Variants in COL23A1 observed in about 807,000 individuals in gnomAD.
The protein encoded by COL23A1 is collagen type XXIII alpha 1 chain.
A neutral mutation model predicts 99.3 loss-of-function variants in COL23A1; 97 were observed. The observed-to-expected ratio is 0.98, with a 90% confidence interval of 0.83 to 1.16. The LOEUF (loss-of-function observed/expected upper bound fraction) is 1.16, where lower values mean the gene tolerates loss of function less well. COL23A1 is among the 50% of genes most tolerant of loss of function. The pLI is 0.00. For missense variants in COL23A1, 762 were observed against 757.4 expected, an observed-to-expected ratio of 1.01 and a Z score of -0.07; for synonymous variants, 320 against 308.2, an observed-to-expected ratio of 1.04 and a Z score of -0.40.
chr5:178,474,760 G>T lies in COL23A1; in HGVS notation c.361+85922C>A, dbSNP rs1756939701. Among the ~76,000 whole-genome samples, 4 of 152,344 alleles carry T rather than the reference G, an allele frequency of 2.6e-5. No individual in the cohort carries two copies. The Middle Eastern group carries it at 0.01, about 389-fold the overall frequency. On this transcript the variant is annotated intron_variant, in intron 2 of 28. Coordinates refer to ENST00000390654, the MANE Select transcript of COL23A1 (RefSeq NM_173465.4). ...AAAATCAATTGCTCCCAAGAAGCTT[G>T]CATTCCAGCAGGGAACACAGATTAT...
At chr5:178,271,141 C>A (rs1030527941) in intron 5 of COL23A1, among the ~76,000 whole-genome samples, 1 of 152,180 alleles carries the variant, frequency 6.6e-6, no homozygotes, top group East Asian at 1.9e-4. Flanking sequence ...CCGTGCCAGA[C>A]ACCCCTTCCC....
intron 2 of COL23A1, among the ~76,000 whole-genome samples, chr5:178,355,908 T>G (rs1761623140): frequency 6.6e-6 from 1 of 152,240 alleles, no homozygotes; most frequent in Admixed American, 6.5e-5. Context: ...CACCAACTTG[T>G]GCAGTGATTA....
rs1048055809 is a variant in COL23A1, at chr5:178,544,327, C to T, written c.361+16355G>A. On this transcript the variant is annotated intron_variant, in intron 2 of 28. Transcript: ENST00000390654. This position sits in a 1 kb window ranked among gnomAD's most constrained non-coding sequence, Gnocchi z 4.4. The stretch of plus-strand genomic sequence containing the variant: ...CCAGCCCCTGCTGGAGCTCCTGGAT[C>T]CCAAGGCGGGGAAGGCAAGTCGGCG... Among the ~76,000 whole-genome samples the T allele has an allele frequency of 6.6e-6, 1 of 152,198 alleles. No individual in the cohort carries two copies. Among genetic ancestry groups the T allele is most frequent in the African/African-American group, 2.4e-5 (1 of 41,450 alleles).
chr5:178,420,003 G>C (rs1765517431), intron 2 of COL23A1, among the ~76,000 whole-genome samples: 1 of 152,162 alleles, frequency 6.6e-6, no homozygotes, highest in South Asian at 2.1e-4. Flanking sequence ...TGATTCTGGA[G>C]GCTGCTGGAT....
intron 2 of COL23A1, among the ~76,000 whole-genome samples, chr5:178,423,576 T>C (rs1165911957): frequency 1.3e-5 from 2 of 152,100 alleles, no homozygotes; most frequent in Non-Finnish European, 2.9e-5. Context: ...CCACCTCGGA[T>C]GGGTGGATGG....
At chr5:178,347,178 G>A (rs1401398669) in intron 2 of COL23A1, among the ~76,000 whole-genome samples, 3 of 152,198 alleles carry the variant, frequency 2.0e-5, no homozygotes, top group Admixed American at 2.0e-4. Flanking sequence ...CGTCCGCTGA[G>A]CCACCCACAC....
At position 178,500,208 on chromosome 5, in the gene COL23A1, G is replaced by C. The variant is rs527677296; in HGVS notation, c.361+60474C>G. Among the ~76,000 whole-genome samples the C allele has an allele frequency of 5.3e-5, 8 of 152,186 alleles. 1 individual carries two copies. In the South Asian group the frequency reaches 1.7e-3, roughly 32 times the overall value. On this transcript the variant is annotated intron_variant, in intron 2 of 28. Coordinates refer to ENST00000390654, the MANE Select transcript of COL23A1 (RefSeq NM_173465.4). ...CTTTACTGTAGTGATGGTTTCATGA[G>C]TGTATGTATACATATATGTCAAACT...
At position 178,535,954 on chromosome 5, in the gene COL23A1, C is replaced by T. The variant is rs1429885713; in HGVS notation, c.361+24728G>A. Among the ~76,000 whole-genome samples, 5 of 152,246 alleles carry T rather than the reference C, an allele frequency of 3.3e-5. 1 individual carries two copies. Among genetic ancestry groups the T allele is most frequent in the Admixed American group, 2.6e-4 (4 of 15,290 alleles). On this transcript the variant is annotated intron_variant, in intron 2 of 28. Coordinates refer to ENST00000390654, the MANE Select transcript of COL23A1 (RefSeq NM_173465.4). ...CATTGTCTGTTCTGACCCCTGGATT[C>T]CCAGGACCCGAGAGGGTCATGACCC... is the stretch of plus-strand genomic sequence containing the variant.
At chr5:178,582,549 C>A (rs967705073) in intron 1 of COL23A1, among the ~76,000 whole-genome samples, 2 of 152,182 alleles carry the variant, frequency 1.3e-5, no homozygotes, top group East Asian at 3.9e-4. Context: ...AAGCAGAGGA[C>A]AGCGGGGCAC....
chr5:178,263,552 G>C (rs892760079), intron 8 of COL23A1, among the ~76,000 whole-genome samples: 1 of 152,362 alleles, frequency 6.6e-6, no homozygotes, highest in East Asian at 1.9e-4. Flanking sequence ...ACATGCCAAG[G>C]AATGTGCCAG....
At chr5:178,352,293 C>A (rs1761375246) in intron 2 of COL23A1, 1 of 152,188 alleles carries the variant, frequency 6.6e-6, no homozygotes, top group Non-Finnish European at 1.5e-5. Flanking sequence ...GATCTTCTCT[C>A]TCTTAAAAGA....
chr5:178,585,415 A>C (rs1035575407), intron 1 of COL23A1, among the ~76,000 whole-genome samples: 1 of 145,250 alleles, frequency 6.9e-6, no homozygotes, highest in Non-Finnish European at 1.5e-5. Flanking sequence ...TGTGGGTAAC[A>C]CTCCACAGCC....
chr5:178,500,496 T>C (rs1385548570), intron 2 of COL23A1, among the ~76,000 whole-genome samples: 1 of 150,426 alleles, frequency 6.6e-6, no homozygotes, highest in Non-Finnish European at 1.5e-5. Flanking sequence ...TCCCAACTAC[T>C]TGAGAGGCTG....
rs114404905 is a variant in COL23A1, at chr5:178,561,655, A to C, written c.295-907T>G. Among the ~76,000 whole-genome samples the C allele has an allele frequency of 3.3e-3, 507 of 152,352 alleles. 5 individuals are homozygous for C. Among genetic ancestry groups the C allele is most frequent in the African/African-American group, 0.012 (481 of 41,582 alleles). Reference sequence around the variant, plus strand: ...CCAGAACTTGAGTCCCAATGAAGACACACAGTTTTAACCTTTCTCTAGGGG... The same window carrying C: ...CCAGAACTTGAGTCCCAATGAAGACCCACAGTTTTAACCTTTCTCTAGGGG... On this transcript the variant is annotated intron_variant, in intron 1 of 28. Coordinates refer to ENST00000390654, the MANE Select transcript of COL23A1 (RefSeq NM_173465.4).
chr5:178,268,375 C>T (rs888143315), intron 7 of COL23A1, among the ~76,000 whole-genome samples: 5 of 152,176 alleles, frequency 3.3e-5, no homozygotes, highest in Admixed American at 6.5e-5. Flanking sequence ...GTCCTCCCCA[C>T]AGAGAATACC....
intron 2 of COL23A1, among the ~76,000 whole-genome samples, chr5:178,350,368 C>G (rs1761253043): frequency 6.6e-6 from 1 of 152,200 alleles, no homozygotes; most frequent in Admixed American, 6.5e-5. Flanking sequence ...GCCTGGTACA[C>G]AGCAAGTTGG....
At chr5:178,512,103 G>C (rs1562039741) in intron 2 of COL23A1, among the ~76,000 whole-genome samples, 1 of 152,224 alleles carries the variant, frequency 6.6e-6, no homozygotes, top group Non-Finnish European at 1.5e-5. Flanking sequence ...GAACAAATGT[G>C]TATGAACATG....
chr5:178,465,101 G>C (rs1756342038), intron 2 of COL23A1, among the ~76,000 whole-genome samples: 2 of 152,182 alleles, frequency 1.3e-5, no homozygotes, highest in African/African-American at 2.4e-5. Flanking sequence ...GTGGGGCCAG[G>C]GGTCTTATTA....
chr5:178,527,468 C>T (rs1425668887), intron 2 of COL23A1, among the ~76,000 whole-genome samples: 1 of 152,212 alleles, frequency 6.6e-6, no homozygotes, highest in Non-Finnish European at 1.5e-5. Flanking sequence ...CCAGGCACCC[C>T]GCAGCCTTCT....
Sources: gnomAD v4.1 joint callset for allele counts (sites outside exome capture counted in the v4.1 genomes callset) on GRCh38, gnomAD v4.1.1 for gene constraint, Gnocchi (gnomAD v3.1) non-coding constraint, MANE v1.5 for transcripts, NCBI Gene and HGNC (gene_info 2026-07-23, HGNC 2026-07-21) for gene names.